CACNA2D4: variants seen among roughly 807,000 people sequenced by gnomAD.
CACNA2D4 encodes calcium voltage-gated channel auxiliary subunit alpha2delta 4.
CACNA2D4 carries 157 observed loss-of-function variants against 163.8 expected under a neutral mutation model. That is an observed-to-expected ratio of 0.96 (90% CI 0.84 to 1.09). The LOEUF (loss-of-function observed/expected upper bound fraction) is 1.09, where lower values mean the gene tolerates loss of function less well. CACNA2D4 is among the 50% of genes least tolerant of loss of function. CACNA2D4 has a pLI of 0.00. For missense variants in CACNA2D4, 1,410 were observed against 1,479.9 expected (o/e 0.95, Z 0.78); for synonymous variants, 598 against 586.9 (o/e 1.02, Z -0.27).
At chr12:1,836,411 G>A (rs75024051) in intron 26 of CACNA2D4, 13,453 of 152,414 alleles carry the variant, frequency 0.088, 811 homozygotes, top group Non-Finnish European at 0.13. Flanking sequence ...CCTAGCTCCT[G>A]TGCCCCACTC....
At chr12:1,830,642 T>C (rs971131170) in intron 26 of CACNA2D4, among the ~76,000 whole-genome samples, 4 of 152,308 alleles carry the variant, frequency 2.6e-5, no homozygotes, top group African/African-American at 9.6e-5. Context: ...ATGGCTTGTC[T>C]CTGGGCTCTG....
intron 37 of CACNA2D4, chr12:1,795,098 A>G (rs1863073062): frequency 1.7e-6 from 1 of 589,724 alleles, no homozygotes; most frequent in South Asian, 2.1e-5. Flanking sequence ...GCCAGGAATC[A>G]GGACAAAGAC....
intron 23 of CACNA2D4, among the ~76,000 whole-genome samples, chr12:1,846,972 T>G (rs1272268848): frequency 6.6e-6 from 1 of 152,232 alleles, no homozygotes; most frequent in African/African-American, 2.4e-5. Flanking sequence ...TTTGTTCTCC[T>G]GGCTTTTGGG....
chr12:1,842,221 C>A (rs886306170), intron 25 of CACNA2D4, among the ~76,000 whole-genome samples: 18 of 152,268 alleles, frequency 1.2e-4, no homozygotes, highest in African/African-American at 4.3e-4. Flanking sequence ...CAGAAGGGGG[C>A]GGGGCCCAGG....
Position 1,858,573 on chromosome 12 carries a change from C to T in CACNA2D4, c.2008+4G>A, listed in dbSNP as rs1435126449. 19 of 1,613,444 alleles carry T rather than the reference C, an allele frequency of 1.2e-5. No individual in the cohort carries two copies. In the African/African-American group the frequency reaches 1.5e-4, roughly 12 times the overall value. ...CTGTCCCTCAGCCCCTGGTACCGACCCACCTTCTTCCACAGACGTGTTCCC... is the reference window on the plus strand; with the variant it reads ...CTGTCCCTCAGCCCCTGGTACCGACTCACCTTCTTCCACAGACGTGTTCCC... On this transcript the variant is annotated splice_donor_region_variant and intron_variant, in intron 20 of 37. Transcript: ENST00000382722.
At chr12:1,839,085 C>T (rs1311752654) in intron 26 of CACNA2D4, among the ~76,000 whole-genome samples, 1 of 152,210 alleles carries the variant, frequency 6.6e-6, no homozygotes, top group African/African-American at 2.4e-5. Flanking sequence ...GACCCCAACT[C>T]AGGATGGCCC....
intron 37 of CACNA2D4, chr12:1,794,939 A>G: frequency 2.3e-6 from 1 of 430,572 alleles, no homozygotes; most frequent in Non-Finnish European, 4.1e-6. Context: ...GCCCCCAGCC[A>G]CCAGTCATCT....
At chr12:1,915,093 T>C (rs753016968) in intron 1 of CACNA2D4, 158 bp from the exon 2 acceptor site, 5 of 713,030 alleles carry the variant, frequency 7.0e-6, no homozygotes, top group Non-Finnish European at 1.3e-5. Flanking sequence ...ACATAATGCA[T>C]AAGAAATGCA....
At chr12:1,905,278 C>T (rs1866631724) in intron 6 of CACNA2D4, among the ~76,000 whole-genome samples, 1 of 152,046 alleles carries the variant, frequency 6.6e-6, no homozygotes, top group South Asian at 2.1e-4. Context: ...AGACTAGAAG[C>T]TTTTTCTCTA....
intron 30 of CACNA2D4, among the ~76,000 whole-genome samples, 175 bp downstream of exon 30, chr12:1,801,399 C>T (rs1230841507): frequency 6.6e-6 from 1 of 152,222 alleles, no homozygotes; most frequent in Admixed American, 6.5e-5. Context: ...CATGCCCTTA[C>T]GCCCTCCCCA....
intron 6 of CACNA2D4, 64 bp from the exon 7 acceptor site, chr12:1,887,133 G>A: frequency 8.5e-7 from 1 of 1,182,820 alleles, no homozygotes; most frequent in South Asian, 1.3e-5. Flanking sequence ...CCCTGGCTGG[G>A]TGTGGACCCC....
intron 6 of CACNA2D4, among the ~76,000 whole-genome samples, chr12:1,896,217 A>G (rs1866396314): frequency 6.6e-6 from 1 of 152,192 alleles, no homozygotes; most frequent in African/African-American, 2.4e-5. Flanking sequence ...CACAGGCAAC[A>G]GAAACAAAAC....
At chr12:1,857,784 C>G (rs535788410) in intron 20 of CACNA2D4, among the ~76,000 whole-genome samples, 39 of 152,166 alleles carry the variant, frequency 2.6e-4, no homozygotes, top group Non-Finnish European at 4.4e-4. Context: ...TGAATTGTGT[C>G]CCTCAAAAGA....
At chr12:1,909,579 G>A (rs1866763362) in intron 4 of CACNA2D4, among the ~76,000 whole-genome samples, 1 of 152,246 alleles carries the variant, frequency 6.6e-6, no homozygotes, top group South Asian at 2.1e-4. Flanking sequence ...CATGAGCCCT[G>A]GGCGCAGCCC....
intron 23 of CACNA2D4, among the ~76,000 whole-genome samples, chr12:1,848,643 AG>A (rs1178488654): frequency 6.6e-6 from 1 of 152,076 alleles, no homozygotes; most frequent in Admixed American, 6.5e-5. Context: ...TTTCTTTGTT[AG>A]GTTTTAGAAT....
Position 1,843,547 on chromosome 12 carries a change from G to C in CACNA2D4, c.2470+855C>G, listed in dbSNP as rs1301614008. Among the ~76,000 whole-genome samples the C allele has an allele frequency of 6.6e-6, 1 of 152,172 alleles. No homozygotes were observed. The highest frequency in any genetic ancestry group is 2.4e-5 in the African/African-American group (1 of 41,442). Reference sequence around the variant, plus strand: ...GATCAGCCGCCCCAGCACTCACCTGGTGGAGGGGTGGTGGAGGGGTGGCTG... The same window carrying C: ...GATCAGCCGCCCCAGCACTCACCTGCTGGAGGGGTGGTGGAGGGGTGGCTG... On this transcript the variant is annotated intron_variant, in intron 25 of 37. Transcript: ENST00000382722. The surrounding 1 kb of genome is among the most constrained non-coding windows in gnomAD (Gnocchi z 4.6).
intron 13 of CACNA2D4, among the ~76,000 whole-genome samples, chr12:1,881,031 G>C (rs1338772567): frequency 6.6e-6 from 1 of 152,204 alleles, no homozygotes; most frequent in Non-Finnish European, 1.5e-5. Context: ...CCTGCCCTGG[G>C]CTCAGGGGAG....
intron 27 of CACNA2D4, among the ~76,000 whole-genome samples, chr12:1,810,884 G>A (rs992697137): frequency 6.6e-6 from 1 of 152,230 alleles, no homozygotes; most frequent in Non-Finnish European, 1.5e-5. Context: ...CATGTGGTAT[G>A]TGGCCTGCGG....
chr12:1,837,256 C>T (rs1864897674), intron 26 of CACNA2D4, among the ~76,000 whole-genome samples: 1 of 152,200 alleles, frequency 6.6e-6, no homozygotes, highest in Admixed American at 6.5e-5. Context: ...TTGGAGGGGC[C>T]TCGGCTGACT....
Sources: gnomAD v4.1 joint callset for allele counts (sites outside exome capture counted in the v4.1 genomes callset) on GRCh38, gnomAD v4.1.1 for gene constraint, Gnocchi (gnomAD v3.1) non-coding constraint, MANE v1.5 for transcripts, NCBI Gene and HGNC (gene_info 2026-07-23, HGNC 2026-07-21) for gene names.